Variants in CES5A observed in about 807,000 individuals in gnomAD.
CES5A encodes the protein carboxylesterase 5.
CES5A carries 67 observed loss-of-function variants against 62.9 expected under a neutral mutation model. The ratio of observed to expected loss-of-function variants is 1.07; its 90% CI spans 0.88 to 1.31. CES5A has a LOEUF of 1.31. CES5A is among the 50% of genes most tolerant of loss of function. The probability of loss-of-function intolerance (pLI) is 0.00; values close to 1 mark genes in which losing one functional copy is unlikely to be tolerated. For missense variants in CES5A, 748 were observed against 708.5 expected, an observed-to-expected ratio of 1.06 and a Z score of -0.63; for synonymous variants, 296 against 280.8, an observed-to-expected ratio of 1.05 and a Z score of -0.54.
intron 1 of CES5A, among the ~76,000 whole-genome samples, chr16:55,900,787 A>G (rs2033982573): frequency 6.6e-6 from 1 of 152,216 alleles, no homozygotes; most frequent in African/African-American, 2.4e-5. Flanking sequence ...CTTATACAGT[A>G]TTCAACTCAC....
intron 10 of CES5A, among the ~76,000 whole-genome samples, chr16:55,850,969 C>T (rs1382526138): frequency 6.6e-6 from 1 of 152,112 alleles, no homozygotes; most frequent in African/African-American, 2.4e-5. Flanking sequence ...ATTCTTCCCT[C>T]ATAGTATATA....
chr16:55,855,751 CA>C (rs1169106163), intron 9 of CES5A, among the ~76,000 whole-genome samples: 2 of 152,166 alleles, frequency 1.3e-5, no homozygotes, highest in Non-Finnish European at 2.9e-5. Context: ...GGGTGGGTTA[CA>C]AAAAGCCTCT....
intron 1 of CES5A, among the ~76,000 whole-genome samples, chr16:55,905,528 G>A (rs914674626): frequency 2.0e-5 from 3 of 151,884 alleles, no homozygotes; most frequent in African/African-American, 4.8e-5. Flanking sequence ...CACCATGCCC[G>A]GCTAACTTTT....
chr16:55,847,505 T>C (rs1318018504), intron 11 of CES5A, among the ~76,000 whole-genome samples: 1 of 152,102 alleles, frequency 6.6e-6, no homozygotes, highest in African/African-American at 2.4e-5. Context: ...CCAATGAAAA[T>C]GTTTCCCTTT....
chr16:55,898,345 A>AT (rs1173675834), intron 1 of CES5A, among the ~76,000 whole-genome samples: 2 of 152,162 alleles, frequency 1.3e-5, no homozygotes, highest in African/African-American at 4.8e-5. Flanking sequence ...AGTTTGAGTG[A>AT]TTTTTATTTT....
chr16:55,935,307 CAGAA>C (rs1443424529), intron 2 of CES5A, among the ~76,000 whole-genome samples: 12 of 152,322 alleles, frequency 7.9e-5, no homozygotes, highest in African/African-American at 2.6e-4. Context: ...TCAAAACAGG[CAGAA>C]AGAGTTTCTT....
At chr16:55,914,004 C>A (rs1425005337) in intron 1 of CES5A, among the ~76,000 whole-genome samples, 1 of 152,172 alleles carries the variant, frequency 6.6e-6, no homozygotes, top group Non-Finnish European at 1.5e-5. Context: ...GGCCTACTTA[C>A]TAGCTCTGCA....
intron 1 of CES5A, among the ~76,000 whole-genome samples, chr16:55,913,104 G>A (rs564909890): frequency 9.2e-5 from 14 of 152,302 alleles, no homozygotes; most frequent in African/African-American, 3.1e-4. Context: ...CAGTTTCCCC[G>A]AGCATTCAGG....
intron 1 of CES5A, among the ~76,000 whole-genome samples, chr16:55,897,685 T>A (rs2033947910): frequency 6.6e-6 from 1 of 152,254 alleles, no homozygotes; most frequent in South Asian, 2.1e-4. Context: ...GATAGTTTCA[T>A]GTTTCCATTT....
intron 2 of CES5A, among the ~76,000 whole-genome samples, chr16:55,938,455 T>A (rs2034401390): frequency 6.6e-6 from 1 of 151,908 alleles, no homozygotes; most frequent in Non-Finnish European, 1.5e-5. Flanking sequence ...ACTAAGGAAC[T>A]TAAGGAAGAT....
upstream of CES5A, among the ~76,000 whole-genome samples, chr16:55,925,752 C>A (rs1597152542): frequency 6.6e-6 from 1 of 151,920 alleles, no homozygotes; most frequent in Non-Finnish European, 1.5e-5. Flanking sequence ...GTGAAATAAT[C>A]CAAGCACAGA....
chr16:55,901,814 GTGT>G (rs1323537945), intron 1 of CES5A, among the ~76,000 whole-genome samples: 2 of 152,148 alleles, frequency 1.3e-5, no homozygotes, highest in Non-Finnish European at 2.9e-5. Context: ...GACCCCACTG[GTGT>G]TGTTCCTCTT....
At chr16:55,906,085 C>T (rs1441913970) in intron 1 of CES5A, among the ~76,000 whole-genome samples, 16 of 152,094 alleles carry the variant, frequency 1.1e-4, no homozygotes, top group Admixed American at 1.0e-3. Flanking sequence ...CTGTCCATCC[C>T]CAGGGACCTG....
rs184112961 is a variant in CES5A at position 55,854,156 on chromosome 16, G to A, written c.1126-1128C>T. On this transcript the variant is annotated intron_variant, in intron 9 of 12. Coordinates refer to ENST00000290567, the MANE Select transcript of CES5A (RefSeq NM_001143685.2). ...GGTGAGTCCTCATAGGACAGTCAGCGTGCAAAATCCTAGGGTTCTGGGGTA... is the reference window on the plus strand; with the variant it reads ...GGTGAGTCCTCATAGGACAGTCAGCATGCAAAATCCTAGGGTTCTGGGGTA... Among the ~76,000 whole-genome samples, 131 of 152,232 alleles carry A rather than the reference G, an allele frequency of 8.6e-4. No homozygotes were observed. The Middle Eastern group carries it at 0.01, about 12-fold the overall frequency.
chr16:55,932,093 CAA>C (rs1471794610), intron 2 of CES5A, among the ~76,000 whole-genome samples: 2 of 152,182 alleles, frequency 1.3e-5, no homozygotes, highest in African/African-American at 4.8e-5. Context: ...TTGGTTATCA[CAA>C]GAGTGTGTCT....
At chr16:55,874,638 T>C (rs1435522066) in intron 1 of CES5A, among the ~76,000 whole-genome samples, 2 of 152,218 alleles carry the variant, frequency 1.3e-5, no homozygotes, top group Non-Finnish European at 2.9e-5. Flanking sequence ...AAAATTCTCA[T>C]GCAGATACTT....
intron 10 of CES5A, among the ~76,000 whole-genome samples, chr16:55,851,531 C>A (rs1486257971): frequency 6.6e-6 from 1 of 152,032 alleles, no homozygotes; most frequent in Non-Finnish European, 1.5e-5. Context: ...GAAATTGCAC[C>A]CCTTGTGCAT....
chr16:55,907,607 G>A (rs2034051835), intron 1 of CES5A, among the ~76,000 whole-genome samples: 1 of 152,128 alleles, frequency 6.6e-6, no homozygotes, highest in Non-Finnish European at 1.5e-5. Flanking sequence ...CGTGGTTCTG[G>A]GGCTCAGGGA....
intron 2 of CES5A, among the ~76,000 whole-genome samples, chr16:55,942,072 A>T (rs1308237108): frequency 6.6e-6 from 1 of 152,210 alleles, no homozygotes; most frequent in African/African-American, 2.4e-5. Context: ...ATACACAAAC[A>T]TAAATTAAGA....
Sources: allele counts gnomAD v4.1 joint callset (sites outside exome capture counted in the v4.1 genomes callset), GRCh38; gene constraint gnomAD v4.1.1; transcripts MANE v1.5; gene names NCBI Gene and HGNC (gene_info 2026-07-23, HGNC 2026-07-21).